Variants in ZHX3 observed in about 807,000 individuals in gnomAD.
The protein encoded by ZHX3 is zinc fingers and homeoboxes protein 3.
In ZHX3, 20 loss-of-function variants were observed where a neutral mutation model predicts 64.5. That is an observed-to-expected ratio of 0.31 (90% CI 0.22 to 0.45). ZHX3 has a LOEUF of 0.45. Among genes scored for constraint, ZHX3 ranks in the 20% least tolerant of loss-of-function variants. The pLI is 1.00. For missense variants in ZHX3, 1,041 were observed against 1,195.8 expected (o/e 0.87, Z 1.91); for synonymous variants, 423 against 461.6 (o/e 0.92, Z 1.07).
chr20:41,293,000 T>C (rs796911740), intron 1 of ZHX3, among the ~76,000 whole-genome samples: 4 of 152,350 alleles, frequency 2.6e-5, no homozygotes, highest in African/African-American at 9.6e-5. Context: ...GCTGTTGTTT[T>C]CTTCATCTAC....
rs73263602 is a variant in ZHX3, at chr20:41,272,932, C to T, written c.-244-3849G>A. ...GGTCATATGGTAATTCTATACGGAA[C>T]TTTTTGAGGAACTACTACACTGTTT... is the stretch of plus-strand genomic sequence containing the variant. On this transcript the variant is annotated intron_variant, in intron 1 of 3. Coordinates refer to ENST00000683867, the MANE Select transcript of ZHX3 (RefSeq NM_001384317.1). 3.1e-3 allele frequency among the ~76,000 whole-genome samples: 465 copies of T among 152,240 alleles called. 6 individuals are homozygous for T. Among genetic ancestry groups the T allele is most frequent in the African/African-American group, 0.011 (451 of 41,570 alleles).
chr20:41,316,011 GA>G (rs756480816), intron 1 of ZHX3, among the ~76,000 whole-genome samples: 3,055 of 127,398 alleles, frequency 0.024, 77 homozygotes, highest in Middle Eastern at 0.11. Flanking sequence ...ACTTCAATAT[GA>G]AAAAAAAAAA....
At chr20:41,289,582 C>CA (rs1163360242) in intron 1 of ZHX3, among the ~76,000 whole-genome samples, 1 of 152,140 alleles carries the variant, frequency 6.6e-6, no homozygotes, top group Non-Finnish European at 1.5e-5. Flanking sequence ...TTTTAGGTAA[C>CA]ATGCCAAGGA....
chr20:41,230,065 A>T (rs2040502428), intron 2 of ZHX3, among the ~76,000 whole-genome samples: 1 of 152,192 alleles, frequency 6.6e-6, no homozygotes, highest in Non-Finnish European at 1.5e-5. Context: ...ATTTGACCTT[A>T]TGTGTGAGGA....
intron 2 of ZHX3, among the ~76,000 whole-genome samples, chr20:41,240,254 G>C (rs2041290733): frequency 6.6e-6 from 1 of 152,200 alleles, no homozygotes; most frequent in Non-Finnish European, 1.5e-5. Context: ...CCAGAAGGCA[G>C]AGCATGGGAC....
chr20:41,261,606 A>C (rs2042565380), intron 2 of ZHX3, among the ~76,000 whole-genome samples: 1 of 152,202 alleles, frequency 6.6e-6, no homozygotes, highest in African/African-American at 2.4e-5. Context: ...GTGAAGACTA[A>C]GCCAGCCATC....
intron 2 of ZHX3, among the ~76,000 whole-genome samples, chr20:41,225,563 C>T (rs1318324014): frequency 2.0e-5 from 3 of 152,220 alleles, no homozygotes; most frequent in African/African-American, 7.2e-5. Context: ...TCTTGACTCA[C>T]TGCAATCTCC....
intron 2 of ZHX3, among the ~76,000 whole-genome samples, chr20:41,240,273 A>G (rs549408135): frequency 6.6e-6 from 1 of 152,332 alleles, no homozygotes; most frequent in Admixed American, 6.5e-5. Context: ...ACAGTAAATC[A>G]TATCATAATC....
rs1346722450 is a variant in ZHX3 at position 41,203,875 on chromosome 20, G to A, written c.1042C>T (p.Leu348Phe). ...CTTTGGGCTGTGAACCAGATCTTGAGCTGTTCTTCTGGATACTTGGTCACC... is the reference window on the plus strand; with the variant it reads ...CTTTGGGCTGTGAACCAGATCTTGAACTGTTCTTCTGGATACTTGGTCACC... ...TVVTKYPEEQ[L>F]KIWFTAQRLK... The change falls in exon 3 of 4, where the codon CTC (leucine) becomes TTC (phenylalanine). Residue 348 changes from leucine (L) to phenylalanine (F), a missense_variant. This residue lies in a region of ZHX3 where 28 missense variants were observed against 66.7 expected (regional missense o/e 0.42). Transcript: ENST00000683867. This position sits in a 1 kb window ranked among gnomAD's most constrained non-coding sequence, Gnocchi z 7.1. The A allele has an allele frequency of 6.2e-7, 1 of 1,614,144 alleles. No individual in the cohort carries two copies. Among genetic ancestry groups the A allele is most frequent in the Non-Finnish European group, 8.5e-7 (1 of 1,180,052 alleles).
At chr20:41,199,064 T>A (rs572626637) in intron 3 of ZHX3, among the ~76,000 whole-genome samples, 9 of 152,310 alleles carry the variant, frequency 5.9e-5, no homozygotes, top group African/African-American at 1.9e-4. Context: ...GCTCTAGAAT[T>A]TGTTTGGTTC....
intron 2 of ZHX3, among the ~76,000 whole-genome samples, chr20:41,231,490 C>T (rs759727775): frequency 3.9e-5 from 6 of 152,220 alleles, no homozygotes; most frequent in Non-Finnish European, 7.3e-5. Flanking sequence ...AATTCAAATA[C>T]GACATCTTTA....
At chr20:41,273,791 G>C (rs2043260301) in intron 1 of ZHX3, among the ~76,000 whole-genome samples, 1 of 152,070 alleles carries the variant, frequency 6.6e-6, no homozygotes, top group African/African-American at 2.4e-5. Context: ...CTCCAACTTT[G>C]TTTTTCTTTT....
intron 2 of ZHX3, among the ~76,000 whole-genome samples, chr20:41,215,182 A>G (rs1472629509): frequency 1.3e-5 from 2 of 152,166 alleles, no homozygotes; most frequent in Non-Finnish European, 2.9e-5. Flanking sequence ...ACTTGAACCC[A>G]GGAGGCAGAG....
intron 1 of ZHX3, among the ~76,000 whole-genome samples, chr20:41,278,687 G>T (rs919106432): frequency 7.1e-6 from 1 of 141,820 alleles, no homozygotes; most frequent in Non-Finnish European, 1.5e-5. Context: ...ATACAGAAGA[G>T]TATAAGACTA....
chr20:41,202,337 C>T lies in ZHX3; in HGVS notation c.2580G>A (p.Leu860=), dbSNP rs1423750120. The T allele has an allele frequency of 2.5e-6, 4 of 1,614,106 alleles. No homozygotes were observed. The highest frequency in any genetic ancestry group is 2.7e-5 in the African/African-American group (2 of 74,944). ...LQDYYMTHKM[L]YEEDLQNLCD... ...AGAGGTTCTGCAGGTCCTCTTCATA[C>T]AGCATCTTGTGTGTCATGTAATAGT... Residue 860 remains leucine, a synonymous_variant, in exon 3 of 4, where the codon CTG becomes CTA. Coordinates refer to ENST00000683867, the MANE Select transcript of ZHX3 (RefSeq NM_001384317.1). This position sits in a 1 kb window ranked among gnomAD's most constrained non-coding sequence, Gnocchi z 7.0.
chr20:41,194,890 T>C (rs2037356515), intron 3 of ZHX3, among the ~76,000 whole-genome samples: 1 of 152,184 alleles, frequency 6.6e-6, no homozygotes, highest in Non-Finnish European at 1.5e-5. Context: ...CTTATATTCA[T>C]GTGAAAATGT....
intron 1 of ZHX3, among the ~76,000 whole-genome samples, chr20:41,280,040 C>T (rs2043595925): frequency 6.6e-6 from 1 of 152,068 alleles, no homozygotes; most frequent in African/African-American, 2.4e-5. Context: ...GGGGAACCAC[C>T]CACACAGGCG....
chr20:41,279,178 A>G (rs953771221), intron 1 of ZHX3, among the ~76,000 whole-genome samples: 5 of 152,206 alleles, frequency 3.3e-5, no homozygotes, highest in African/African-American at 9.6e-5. Context: ...AACGAGTATG[A>G]AAGTTTTAAA....
intron 3 of ZHX3, among the ~76,000 whole-genome samples, chr20:41,186,566 A>G (rs889885943): frequency 2.0e-5 from 3 of 152,216 alleles, no homozygotes; most frequent in Admixed American, 2.0e-4. Flanking sequence ...GAAGAACCAC[A>G]AAGTCGTTTC....
Sources: allele counts gnomAD v4.1 joint callset (sites outside exome capture counted in the v4.1 genomes callset), GRCh38; gene constraint gnomAD v4.1.1; regional missense constraint gnomAD v4.1.1; non-coding constraint Gnocchi (gnomAD v3.1); transcripts MANE v1.5; gene names NCBI Gene and HGNC (gene_info 2026-07-23, HGNC 2026-07-21).